Variants in STAU2 observed in about 807,000 individuals in gnomAD.
The protein encoded by STAU2 is staufen double-stranded RNA binding protein 2.
In STAU2, 20 loss-of-function variants were observed where a neutral mutation model predicts 65.9. The ratio of observed to expected loss-of-function variants is 0.30; its 90% CI spans 0.21 to 0.44. The LOEUF (loss-of-function observed/expected upper bound fraction) is 0.44. Among genes scored for constraint, STAU2 ranks in the 20% least tolerant of loss-of-function variants. The pLI, the probability that STAU2 is intolerant of heterozygous loss-of-function variation, is 1.00. For synonymous variants in STAU2, 232 were observed against 233.9 expected (o/e 0.99, Z 0.07); for missense variants, 558 against 683.9 (o/e 0.82, Z 2.05).
chr8:73,605,404 G>A (rs1480275207), intron 9 of STAU2, among the ~76,000 whole-genome samples: 1 of 150,866 alleles, frequency 6.6e-6, no homozygotes, highest in East Asian at 1.9e-4. Flanking sequence ...TGTATCCTGG[G>A]TTCAAGCGAT....
intron 6 of STAU2, among the ~76,000 whole-genome samples, chr8:73,649,156 G>A (rs1563480705): frequency 6.6e-6 from 1 of 152,278 alleles, no homozygotes; most frequent in South Asian, 2.1e-4. Flanking sequence ...AGAAAGAGTA[G>A]TTCAATGGTG....
chr8:73,442,909 G>C (rs1333357514), intron 13 of STAU2, among the ~76,000 whole-genome samples: 1 of 152,066 alleles, frequency 6.6e-6, no homozygotes, highest in African/African-American at 2.4e-5. Context: ...AAGATATCAC[G>C]CTAAACTTCA....
intron 9 of STAU2, among the ~76,000 whole-genome samples, chr8:73,611,970 A>T (rs898035136): frequency 2.0e-5 from 3 of 152,326 alleles, no homozygotes; most frequent in African/African-American, 7.2e-5. Flanking sequence ...GGCATGAGCC[A>T]CCGTGCCCAG....
At chr8:73,713,840 G>C (rs961622288) in intron 3 of STAU2, among the ~76,000 whole-genome samples, 1 of 152,048 alleles carries the variant, frequency 6.6e-6, no homozygotes, top group Non-Finnish European at 1.5e-5. Flanking sequence ...ACCTCGCTTC[G>C]CAAGGCAAAT....
chr8:73,574,544 G>A (rs1051692853), intron 12 of STAU2, among the ~76,000 whole-genome samples: 3 of 152,076 alleles, frequency 2.0e-5, no homozygotes, highest in Non-Finnish European at 2.9e-5. Flanking sequence ...AAGAAAATGT[G>A]GCACATATAC....
rs116196244 is a variant in STAU2 at position 73,450,739 on chromosome 8, C to T, written c.1531-28037G>A. Among the ~76,000 whole-genome samples, 660 of 152,252 alleles carry T rather than the reference C, an allele frequency of 4.3e-3. 7 individuals are homozygous for T. Among genetic ancestry groups the T allele is most frequent in the African/African-American group, 0.015 (616 of 41,538 alleles). ...AATCTTGGGTGTGTTTATTTGAAAC[C>T]TAACAATGTGTGCAAAACCAGGAGA... On this transcript the variant is annotated intron_variant, in intron 13 of 14. Transcript: ENST00000524300.
intron 9 of STAU2, among the ~76,000 whole-genome samples, chr8:73,604,553 G>A (rs1380415408): frequency 6.6e-6 from 1 of 152,036 alleles, no homozygotes; most frequent in Non-Finnish European, 1.5e-5. Flanking sequence ...ATTTTAAAAA[G>A]ACGTATCCGG....
chr8:73,551,946 G>A (rs1807361658), intron 13 of STAU2, 66 bp downstream of exon 13: 1 of 1,505,206 alleles, frequency 6.6e-7, no homozygotes, highest in African/African-American at 1.4e-5. Context: ...GCCTTGTGAT[G>A]TATACAGATG....
intron 13 of STAU2, among the ~76,000 whole-genome samples, chr8:73,441,794 G>C (rs577992513): frequency 1.3e-5 from 2 of 152,336 alleles, no homozygotes; most frequent in East Asian, 3.9e-4. Context: ...AGTAGCTGCT[G>C]AATGTTGGCC....
chr8:73,628,407 G>A (rs1309636367), intron 6 of STAU2, among the ~76,000 whole-genome samples: 2 of 152,060 alleles, frequency 1.3e-5, no homozygotes, highest in Non-Finnish European at 2.9e-5. Context: ...ACTAAATACT[G>A]CATGCTAGTA....
intron 4 of STAU2, among the ~76,000 whole-genome samples, chr8:73,700,435 C>CA (rs1243861120): frequency 6.6e-6 from 1 of 151,906 alleles, no homozygotes; most frequent in Non-Finnish European, 1.5e-5. Context: ...AAGACTCCAA[C>CA]AAAAAACTAT....
chr8:73,732,353 C>T (rs1459710583), intron 3 of STAU2, among the ~76,000 whole-genome samples: 1 of 152,162 alleles, frequency 6.6e-6, no homozygotes, highest in Non-Finnish European at 1.5e-5. Context: ...AGAAATGATC[C>T]ATCACTTCTG....
chr8:73,522,558 A>G (rs1031683864), intron 13 of STAU2, among the ~76,000 whole-genome samples: 2 of 152,242 alleles, frequency 1.3e-5, no homozygotes, highest in African/African-American at 4.8e-5. Context: ...TGTATGCACT[A>G]GTGTCTAAAG....
intron 6 of STAU2, among the ~76,000 whole-genome samples, chr8:73,626,514 G>C (rs915051125): frequency 1.3e-5 from 2 of 152,154 alleles, no homozygotes; most frequent in African/African-American, 4.8e-5. Context: ...CTATTTACCC[G>C]AGGAGAGGCA....
chr8:73,497,576 G>A (rs767120800), intron 13 of STAU2, among the ~76,000 whole-genome samples: 3 of 151,622 alleles, frequency 2.0e-5, no homozygotes, highest in Non-Finnish European at 3.0e-5. Flanking sequence ...AGTATCCCTC[G>A]GTAATAAAGA....
chr8:73,516,778 T>C (rs1414736004), intron 13 of STAU2, among the ~76,000 whole-genome samples: 1 of 152,160 alleles, frequency 6.6e-6, no homozygotes. Flanking sequence ...CTCTTTAGGT[T>C]GTAAAAGTGA....
chr8:73,704,681 GT>G (rs536341464), intron 4 of STAU2, among the ~76,000 whole-genome samples: 1 of 152,194 alleles, frequency 6.6e-6, no homozygotes, highest in South Asian at 2.1e-4. Flanking sequence ...ATTTTTGTTT[GT>G]TTTTTGAGAT....
chr8:73,428,305 T>C (rs1340997707), intron 13 of STAU2, among the ~76,000 whole-genome samples: 1 of 152,156 alleles, frequency 6.6e-6, no homozygotes, highest in Non-Finnish European at 1.5e-5. Flanking sequence ...AATTTCTTCC[T>C]TTTTAAAAGC....
At chr8:73,670,530 A>T (rs1817600680) in intron 6 of STAU2, 1 of 152,150 alleles carries the variant, frequency 6.6e-6, no homozygotes, top group Non-Finnish European at 1.5e-5. Flanking sequence ...TAGCATAGAG[A>T]AAGCTCCCCC....
Sources: gnomAD v4.1 joint callset for allele counts (sites outside exome capture counted in the v4.1 genomes callset) on GRCh38, gnomAD v4.1.1 for gene constraint, MANE v1.5 for transcripts, NCBI Gene and HGNC (gene_info 2026-07-23, HGNC 2026-07-21) for gene names.